ARHGAP26: variants seen among roughly 807,000 people sequenced by gnomAD.
ARHGAP26 encodes the protein Rho GTPase activating protein 26.
In ARHGAP26, 38 loss-of-function variants were observed where a neutral mutation model predicts 104.8. The ratio of observed to expected loss-of-function variants is 0.36; its 90% confidence interval spans 0.28 to 0.48. The LOEUF (loss-of-function observed/expected upper bound fraction) is 0.48, where lower values mean the gene tolerates loss of function less well. Ranked by LOEUF, ARHGAP26 falls within the 20% of genes least tolerant of loss-of-function variation. ARHGAP26 has a pLI of 0.99. For synonymous variants in ARHGAP26, 341 were observed against 340.0 expected (o/e 1.00, Z -0.03); for missense variants, 704 against 947.9 (o/e 0.74, Z 3.38).
At chr5:143,082,845 A>G (rs960670815) in intron 17 of ARHGAP26, among the ~76,000 whole-genome samples, 2 of 152,206 alleles carry the variant, frequency 1.3e-5, no homozygotes, top group African/African-American at 4.8e-5. Context: ...ATGTTTTCCC[A>G]TGGCTTCTGT....
At chr5:143,056,153 T>C in intron 16 of ARHGAP26, 67 bp downstream of exon 16, 1 of 1,343,122 alleles carries the variant, frequency 7.4e-7, no homozygotes, top group Non-Finnish European at 1.1e-6. Context: ...GAAGAGTCAG[T>C]ATCCCAAAAT....
intron 17 of ARHGAP26, among the ~76,000 whole-genome samples, chr5:143,115,362 AG>A (rs1795307177): frequency 6.7e-5 from 1 of 14,968 alleles, no homozygotes; most frequent in Non-Finnish European, 2.0e-3. Context: ...AAAAAACGAA[AG>A]AAAGAAAAGA....
At chr5:143,009,368 G>A (rs1228725008) in intron 11 of ARHGAP26, among the ~76,000 whole-genome samples, 1 of 152,166 alleles carries the variant, frequency 6.6e-6, no homozygotes, top group Non-Finnish European at 1.5e-5. Context: ...TAGTGGTTAA[G>A]TGCTTGGGCT....
intron 17 of ARHGAP26, 79 bp downstream of exon 17, chr5:143,057,826 G>T: frequency 8.1e-7 from 1 of 1,235,418 alleles, no homozygotes; most frequent in East Asian, 2.3e-5. Context: ...TCTCAGTTCT[G>T]CTTTTGTTTC....
chr5:142,772,285 GCAGA>G (rs1755361230), intron 1 of ARHGAP26, among the ~76,000 whole-genome samples: 1 of 152,232 alleles, frequency 6.6e-6, no homozygotes, highest in African/African-American at 2.4e-5. Context: ...CTTCTTAGAG[GCAGA>G]TTCTTAGGCT....
chr5:143,105,895 C>T (rs1202896387), intron 17 of ARHGAP26, among the ~76,000 whole-genome samples: 1 of 151,968 alleles, frequency 6.6e-6, no homozygotes, highest in African/African-American at 2.4e-5. Flanking sequence ...TTTTCCATTG[C>T]CAAATAGAGA....
chr5:143,145,402 C>A (rs182094389), intron 19 of ARHGAP26, among the ~76,000 whole-genome samples: 1 of 152,168 alleles, frequency 6.6e-6, no homozygotes, highest in Non-Finnish European at 1.5e-5. Flanking sequence ...CCCAGGGAAC[C>A]GTCCTCACTC....
chr5:143,144,186 C>T (rs976000409), intron 19 of ARHGAP26, among the ~76,000 whole-genome samples: 3 of 152,268 alleles, frequency 2.0e-5, no homozygotes, highest in African/African-American at 7.2e-5. Context: ...CCTTCTTATA[C>T]CTTCTATGAG....
intron 6 of ARHGAP26, among the ~76,000 whole-genome samples, chr5:142,895,292 G>A (rs1212546462): frequency 6.6e-6 from 1 of 151,844 alleles, no homozygotes; most frequent in Non-Finnish European, 1.5e-5. Context: ...GTGCAATGGT[G>A]CAATCTCAGC....
intron 20 of ARHGAP26, among the ~76,000 whole-genome samples, chr5:143,148,536 G>A (rs1312218591): frequency 6.6e-6 from 1 of 152,188 alleles, no homozygotes; most frequent in Non-Finnish European, 1.5e-5. Flanking sequence ...GTTGTTGGCA[G>A]CTTTAAATCA....
chr5:143,212,758 G>A (rs921229997), intron 21 of ARHGAP26, among the ~76,000 whole-genome samples: 12 of 152,282 alleles, frequency 7.9e-5, no homozygotes, highest in Non-Finnish European at 1.3e-4. Flanking sequence ...TTTACCACCC[G>A]GCCCTTTGCA....
intron 17 of ARHGAP26, among the ~76,000 whole-genome samples, chr5:143,099,323 G>A (rs1792881422): frequency 6.6e-6 from 1 of 152,174 alleles, no homozygotes; most frequent in African/African-American, 2.4e-5. Flanking sequence ...GGGGGCACAG[G>A]TAGAGGAATA....
rs145551988 is a variant in ARHGAP26 at position 142,783,525 on chromosome 5, AGCTGTT to A, written c.154+12613_154+12618del. Among the ~76,000 whole-genome samples the A allele has an allele frequency of 5.7e-3, 871 of 152,190 alleles. 19 individuals are homozygous for A. Among genetic ancestry groups the A allele is most frequent in the East Asian group, 0.052 (268 of 5,178 alleles). On this transcript the variant is annotated intron_variant, in intron 1 of 22. Coordinates refer to ENST00000645722, the MANE Select transcript of ARHGAP26 (RefSeq NM_001135608.3). ...TTCAGGAAGCATAATGAGCTGGTTG[AGCTGTT>A]GCACAGCAAGGGGAACTCAGGATCT...
intron 4 of ARHGAP26, among the ~76,000 whole-genome samples, chr5:142,882,648 A>G (rs1377145768): frequency 1.3e-5 from 2 of 152,248 alleles, no homozygotes; most frequent in African/African-American, 4.8e-5. Context: ...AGGCAGGTTT[A>G]GGTGATGAGC....
At chr5:143,069,064 C>T (rs943650220) in intron 17 of ARHGAP26, among the ~76,000 whole-genome samples, 2 of 152,142 alleles carry the variant, frequency 1.3e-5, no homozygotes, top group African/African-American at 2.4e-5. Flanking sequence ...AGGACTCTGT[C>T]CTTCAGGCCT....
At chr5:143,180,388 T>A (rs904918590) in intron 20 of ARHGAP26, among the ~76,000 whole-genome samples, 1 of 152,182 alleles carries the variant, frequency 6.6e-6, no homozygotes, top group African/African-American at 2.4e-5. Flanking sequence ...CCTCCCAAAG[T>A]GCTGGGATTA....
At chr5:143,201,372 C>A (rs1209238773) in intron 20 of ARHGAP26, among the ~76,000 whole-genome samples, 1 of 152,154 alleles carries the variant, frequency 6.6e-6, no homozygotes, top group African/African-American at 2.4e-5. Flanking sequence ...ATCATTTTCT[C>A]CTCTTTTAAT....
chr5:142,772,900 G>T (rs778467831), intron 1 of ARHGAP26: 6 of 533,418 alleles, frequency 1.1e-5, no homozygotes, highest in Non-Finnish European at 1.9e-5. Context: ...TTGGGGGCAA[G>T]AATTCTTTGG....
intron 17 of ARHGAP26, among the ~76,000 whole-genome samples, chr5:143,089,439 G>A (rs575981814): frequency 6.6e-6 from 1 of 152,168 alleles, no homozygotes; most frequent in Non-Finnish European, 1.5e-5. Context: ...TGAGTTGTTG[G>A]CTAACTCATT....
Sources: gnomAD v4.1 joint callset for allele counts (sites outside exome capture counted in the v4.1 genomes callset) on GRCh38, gnomAD v4.1.1 for gene constraint, MANE v1.5 for transcripts, NCBI Gene and HGNC (gene_info 2026-07-23, HGNC 2026-07-21) for gene names.